NDUFAF6: variants seen among roughly 807,000 people sequenced by gnomAD.
The protein encoded by NDUFAF6 is NADH dehydrogenase (ubiquinone) complex I, assembly factor 6.
NDUFAF6 carries 45 observed loss-of-function variants against 40.8 expected under a neutral mutation model. The observed-to-expected ratio is 1.10, with a 90% CI of 0.87 to 1.42. The LOEUF (loss-of-function observed/expected upper bound fraction) is 1.42. Ranked by LOEUF, NDUFAF6 falls within the 40% of genes most tolerant of loss-of-function variation. The pLI is 0.00. For synonymous variants in NDUFAF6, 185 were observed against 155.9 expected, an observed-to-expected ratio of 1.19 and a Z score of -1.39; for missense variants, 435 against 418.5, an observed-to-expected ratio of 1.04 and a Z score of -0.34.
chr8:94,935,128 T>TTAGATAGATAG (rs149916195), intron 1 of NDUFAF6, among the ~76,000 whole-genome samples: 22 of 144,750 alleles, frequency 1.5e-4, no homozygotes, highest in African/African-American at 5.5e-4. Flanking sequence ...GGTAGATAGA[T>TTAGATAGATAG]ATAGATAGAT....
chr8:95,051,615 A>G (rs1831441363), intron 7 of NDUFAF6, among the ~76,000 whole-genome samples: 1 of 152,166 alleles, frequency 6.6e-6, no homozygotes, highest in Non-Finnish European at 1.5e-5. Flanking sequence ...TCAGAGTGGT[A>G]GGGAGTTAGG....
chr8:94,937,328 C>T (rs897527816), intron 1 of NDUFAF6, among the ~76,000 whole-genome samples: 3 of 151,638 alleles, frequency 2.0e-5, no homozygotes, highest in Non-Finnish European at 4.4e-5. Context: ...GTAATCCCAG[C>T]TACTTGGGAG....
intron 9 of NDUFAF6, among the ~76,000 whole-genome samples, chr8:95,069,615 A>T (rs1340690132): frequency 4.6e-5 from 7 of 150,914 alleles, no homozygotes; most frequent in Non-Finnish European, 1.0e-4. Flanking sequence ...CCCCATCTCT[A>T]CTAAAAATAC....
At chr8:95,114,948 G>T (rs1810096666) in intron 4 of NDUFAF6, among the ~76,000 whole-genome samples, 1 of 152,094 alleles carries the variant, frequency 6.6e-6, no homozygotes, top group South Asian at 2.1e-4. Flanking sequence ...TGTAATCCCA[G>T]CTACTCGGGA....
rs568502492 is a variant in NDUFAF6 at position 94,991,878 on chromosome 8, G to A, written c.-84+10905G>A. ...ACAGTTTATTTAACCATTCTTTATC[G>A]GAAGACATTTGGATTATTTCCAAAT... is the stretch of plus-strand genomic sequence containing the variant. On this transcript the variant is annotated intron_variant, in intron 2 of 9. Coordinates refer to the NDUFAF6 transcript ENST00000396111. Among the ~76,000 whole-genome samples, 23 of 146,058 alleles carry A rather than the reference G, an allele frequency of 1.6e-4. No individual in the cohort carries two copies. In the East Asian group the frequency reaches 2.6e-3, roughly 16 times the overall value.
At chr8:95,027,579 C>CAAAAA (rs1207611146) in intron 1 of NDUFAF6, among the ~76,000 whole-genome samples, 1 of 68,948 alleles carries the variant, frequency 1.5e-5, no homozygotes, top group Non-Finnish European at 3.0e-5. Context: ...GACCCTGTCT[C>CAAAAA]AAAAAAAAAA....
intron 2 of NDUFAF6, among the ~76,000 whole-genome samples, chr8:95,033,850 G>A (rs1175186890): frequency 6.6e-6 from 1 of 152,202 alleles, no homozygotes; most frequent in Admixed American, 6.5e-5. Context: ...GTCCAGCAGA[G>A]CAGGGAGGGG....
chr8:95,038,707 T>TTTGCTG (rs1037810925), intron 3 of NDUFAF6, among the ~76,000 whole-genome samples: 17 of 151,908 alleles, frequency 1.1e-4, no homozygotes, highest in Non-Finnish European at 2.1e-4. Flanking sequence ...GAGACGGAGC[T>TTTGCTG]TTGCTGTGTC....
chr8:95,015,920 G>A (rs1049469313), intron 2 of NDUFAF6, among the ~76,000 whole-genome samples: 5 of 151,756 alleles, frequency 3.3e-5, no homozygotes, highest in Non-Finnish European at 5.9e-5. Context: ...GAGAAAGAGA[G>A]GAAGAATATC....
At chr8:94,988,474 C>T (rs899197537) in intron 2 of NDUFAF6, 2 of 152,102 alleles carry the variant, frequency 1.3e-5, no homozygotes, top group Non-Finnish European at 2.9e-5. Flanking sequence ...TTACAAAGAA[C>T]CATTTTTAAT....
chr8:94,939,626 G>A (rs887360210), intron 1 of NDUFAF6: 10 of 508,480 alleles, frequency 2.0e-5, no homozygotes, highest in African/African-American at 1.9e-4. Flanking sequence ...TTGAACTCCT[G>A]AGCTTAAGTG....
chr8:94,969,805 A>G (rs1052357834), intron 1 of NDUFAF6, among the ~76,000 whole-genome samples: 4 of 152,214 alleles, frequency 2.6e-5, no homozygotes, highest in Admixed American at 2.0e-4. Flanking sequence ...GATCTTTACA[A>G]TGGAAAAAAA....
intron 1 of NDUFAF6, chr8:94,896,311 C>T (rs4735329): frequency 0.63 from 93,277 of 148,406 alleles, 29,872 homozygotes; most frequent in East Asian, 0.79. Flanking sequence ...CCCGCGCGAG[C>T]CGGCAGCGCG....
chr8:95,010,429 G>A (rs1428351261), intron 2 of NDUFAF6, among the ~76,000 whole-genome samples: 1 of 152,146 alleles, frequency 6.6e-6, no homozygotes, highest in East Asian at 1.9e-4. Flanking sequence ...ATGCTGTTAT[G>A]CAAAGTGAAG....
chr8:95,055,261 A>G (rs1057347111), intron 8 of NDUFAF6: 10 of 152,342 alleles, frequency 6.6e-5, no homozygotes, highest in African/African-American at 2.2e-4. Context: ...GATACAGAGA[A>G]GATTAGCATG....
In NDUFAF6 at chr8:94,946,696, C is replaced by CAAAAAAAAAAAAAAAAAAAAAAAAA. The variant is rs71273438; in HGVS notation, c.-799+1101_-799+1102insAAAAAAAAAAAAAAAAAAAAAAAAA. On this transcript the variant is annotated intron_variant, in intron 2 of 14. Transcript: ENST00000396113. ...TGGTCAACAGAGTAAGACCCTGTCT[C>CAAAAAAAAAAAAAAAAAAAAAAAAA]AAAAAAAAAAAAAAAAAAAAAAAAG... Among the ~76,000 whole-genome samples, 126 of 34,680 alleles carry CAAAAAAAAAAAAAAAAAAAAAAAAA rather than the reference C, an allele frequency of 3.6e-3. 17 individuals carry two copies. Among genetic ancestry groups the CAAAAAAAAAAAAAAAAAAAAAAAAA allele is most frequent in the Middle Eastern group, 0.019 (1 of 52 alleles). The allele number at this position is 34,680 out of a possible 152,430, so 22.8% of individuals were successfully genotyped here. A position where few individuals can be genotyped will look rare whatever the true frequency, so the allele number is the denominator to read the frequency against.
At chr8:95,036,227 A>G in intron 3 of NDUFAF6, 1 of 1,160,942 alleles carries the variant, frequency 8.6e-7, no homozygotes, top group Admixed American at 3.4e-5. Context: ...ATGGCTTAGA[A>G]ATATTCTAAA....
intron 2 of NDUFAF6, among the ~76,000 whole-genome samples, chr8:94,947,795 A>C (rs1822151067): frequency 6.6e-6 from 1 of 152,230 alleles, no homozygotes; most frequent in African/African-American, 2.4e-5. Context: ...GGAAAGAACA[A>C]AAGATAGGAT....
chr8:95,034,909 C>T (rs999653995), intron 2 of NDUFAF6, among the ~76,000 whole-genome samples: 11 of 149,914 alleles, frequency 7.3e-5, no homozygotes, highest in South Asian at 2.1e-4. Flanking sequence ...GATGGAGTTT[C>T]GCTCTTGTCG....
Sources: allele counts gnomAD v4.1 joint callset (sites outside exome capture counted in the v4.1 genomes callset), GRCh38; gene constraint gnomAD v4.1.1; transcripts MANE v1.5; gene names NCBI Gene and HGNC (gene_info 2026-07-23, HGNC 2026-07-21).